ZNF750: variants seen among roughly 807,000 people sequenced by gnomAD.
ZNF750 encodes the protein zinc finger protein 750, also known as protein ZNF750.
In ZNF750, 10 loss-of-function variants were observed where a neutral mutation model predicts 31.6. That is an observed-to-expected ratio of 0.32 (90% CI 0.19 to 0.54). The LOEUF is 0.54. Ranked by LOEUF, ZNF750 falls within the 20% of genes least tolerant of loss-of-function variation. The pLI, the probability that ZNF750 is intolerant of heterozygous loss-of-function variation, is 0.95. For missense variants in ZNF750, 914 were observed against 934.9 expected (o/e 0.98, Z 0.29); for synonymous variants, 400 against 404.9 (o/e 0.99, Z 0.15).
At chr17:82,837,234 AG>A (rs2054065560) in intron 1 of ZNF750, among the ~76,000 whole-genome samples, 1 of 152,206 alleles carries the variant, frequency 6.6e-6, no homozygotes, top group Non-Finnish European at 1.5e-5. Flanking sequence ...ATAAGGATGA[AG>A]AAACCAAACC....
In ZNF750 at chr17:82,831,766, G is replaced by T. The variant is rs749794050; in HGVS notation, c.689C>A (p.Ala230Asp). 2 of 1,614,042 alleles carry T rather than the reference G, an allele frequency of 1.2e-6. No homozygotes were observed. The highest frequency in any genetic ancestry group is 1.7e-6 in the Non-Finnish European group (2 of 1,180,032). Reference sequence around the variant, plus strand: ...TGTGGGGTGCATGTAAGGGGAAATGGCCCCAAGCCCCTTTGTAGATGAGAT... The same window carrying T: ...TGTGGGGTGCATGTAAGGGGAAATGTCCCCAAGCCCCTTTGTAGATGAGAT... Reference protein sequence around the residue: ...HKISSTKGLGAISPYMHPTIP... With the variant: ...HKISSTKGLGDISPYMHPTIP... Residue 230 changes from alanine to aspartate, a missense_variant, in exon 2 of 3, where the codon GCC (alanine) becomes GAC (aspartate). Ala to Asp is a moderately radical substitution (Grantham distance 126, BLOSUM62 -2). This residue lies in a region of ZNF750 where 880 missense variants were observed against 868.9 expected (regional missense o/e 1.01). Transcript: ENST00000269394. This position sits in a 1 kb window ranked among gnomAD's most constrained non-coding sequence, Gnocchi z 4.6.
intron 1 of ZNF750, among the ~76,000 whole-genome samples, chr17:82,839,551 A>G (rs1319685564): frequency 1.3e-5 from 2 of 152,236 alleles, no homozygotes; most frequent in African/African-American, 4.8e-5. Context: ...ACCCTAATGT[A>G]CATACACCAC....
In ZNF750 at chr17:82,830,844, C is replaced by A. The variant is rs781214323; in HGVS notation, c.1470G>T (p.Pro490=). The A allele has an allele frequency of 7.4e-6, 12 of 1,612,742 alleles. No homozygotes were observed. Among genetic ancestry groups the A allele is most frequent in the South Asian group, 3.3e-5 (3 of 91,044 alleles). ...LNVVNGDPPA[P]TGSASLVSEA... ...CCGAGACGAGAGAGGCGCTTCCGGT[C>A]GGAGCAGGAGGGTCTCCGTTCACAA... The change falls in exon 3 of 3, where the codon CCG becomes CCT. Residue 490 remains proline, a synonymous_variant. Transcript: ENST00000269394.
Position 82,831,086 on chromosome 17 carries a change from G to T in ZNF750, c.1369C>A (p.Pro457Thr), listed in dbSNP as rs891225222. 3 of 1,614,082 alleles carry T rather than the reference G, an allele frequency of 1.9e-6. No homozygotes were observed. The highest frequency in any genetic ancestry group is 2.7e-5 in the African/African-American group (2 of 74,930). ...AGGCATTCTGTGCTTTTCTTAACAG[G>T]CCTGAAGGCTGTGAGGCTTTGCTCT... ...PPEQSLTAFR[P>T]VKKSTECLPA... Residue 457 changes from proline to threonine, a missense_variant, in exon 2 of 3, where the codon CCT becomes ACT. Transcript: ENST00000269394. The surrounding 1 kb of genome is among the most constrained non-coding windows in gnomAD (Gnocchi z 4.6).
At position 82,835,672 on chromosome 17, in the gene ZNF750, G is replaced by A. The variant is rs139482641; in HGVS notation, c.-182-3036C>T. 0.042 allele frequency among the ~76,000 whole-genome samples: 6,411 copies of A among 152,148 alleles called. 262 individuals carry two copies. Among genetic ancestry groups the A allele is most frequent in the African/African-American group, 0.11 (4,456 of 41,492 alleles). On this transcript the variant is annotated intron_variant, in intron 1 of 2. Transcript: ENST00000269394. The surrounding 1 kb of genome is among the most constrained non-coding windows in gnomAD (Gnocchi z 4.5). ...ACTCCTGACCTCAGGCGATCTGCCC[G>A]CCTCAGCCTCCCAAAGTGCTGGGAT...
rs142576643 is a variant in ZNF750 at position 82,831,390 on chromosome 17, C to G, written c.1065G>C (p.Leu355=). Residue 355 remains leucine, a synonymous_variant, in exon 2 of 3, where the codon CTG becomes CTC. Transcript: ENST00000269394. This position sits in a 1 kb window ranked among gnomAD's most constrained non-coding sequence, Gnocchi z 4.6. The stretch of plus-strand genomic sequence containing the variant: ...TGGAAGGACTCGAGGCTGGATAGAC[C>G]AGGGTGGCTTCTTCAAGCAGGTGAG... ...QSSHLLEEAT[L]VYPASSPSRL... 259 of 1,613,966 alleles carry G rather than the reference C, an allele frequency of 1.6e-4. No individual in the cohort carries two copies. Among genetic ancestry groups the G allele is most frequent in the Non-Finnish European group, 2.0e-4 (235 of 1,180,010 alleles).
At position 82,835,795 on chromosome 17, in the gene ZNF750, GTTCT is replaced by G. The variant is rs751073626; in HGVS notation, c.-182-3163_-182-3160del. Among the ~76,000 whole-genome samples, 23 of 152,292 alleles carry G rather than the reference GTTCT, an allele frequency of 1.5e-4. No individual in the cohort carries two copies. Among genetic ancestry groups the G allele is most frequent in the Non-Finnish European group, 2.6e-4 (18 of 68,028 alleles). ...AACTGCCTCTATTAACATACTTTAA[GTTCT>G]TTAAGACATTTATTTACTAAGAAGT... On this transcript the variant is annotated intron_variant, in intron 1 of 2. Coordinates refer to ENST00000269394, the MANE Select transcript of ZNF750 (RefSeq NM_024702.3). The surrounding 1 kb of genome is among the most constrained non-coding windows in gnomAD (Gnocchi z 4.5).
At chr17:82,834,399 T>C (rs1030770177) in intron 1 of ZNF750, among the ~76,000 whole-genome samples, 2 of 152,068 alleles carry the variant, frequency 1.3e-5, no homozygotes, top group Non-Finnish European at 2.9e-5. Context: ...GTATTAAAAA[T>C]GTAAAAAAGA....
chr17:82,839,432 C>T (rs573026728), intron 1 of ZNF750, among the ~76,000 whole-genome samples: 15 of 151,836 alleles, frequency 9.9e-5, no homozygotes, highest in Non-Finnish European at 8.8e-5. Flanking sequence ...AATGTACATA[C>T]ACCACACATA....
rs532896142 is a variant in ZNF750 at position 82,833,015 on chromosome 17, C to T, written c.-182-379G>A. Among the ~76,000 whole-genome samples the T allele has an allele frequency of 1.0e-3, 155 of 152,226 alleles. 1 individual carries two copies. Among genetic ancestry groups the T allele is most frequent in the Non-Finnish European group, 2.5e-4 (17 of 68,012 alleles). On this transcript the variant is annotated intron_variant, in intron 1 of 2. Coordinates refer to ENST00000269394, the MANE Select transcript of ZNF750 (RefSeq NM_024702.3). The surrounding 1 kb of genome is among the most constrained non-coding windows in gnomAD (Gnocchi z 4.7). ...GCGCCCTGCCGGGGGCTGAGGACAC[C>T]GAGCCCCCTCCCAGGGTCTGGACAG...
At position 82,830,019 on chromosome 17, in the gene ZNF750, T is replaced by G. The variant is rs1003362496; in HGVS notation, c.*123A>C. 13 of 1,443,376 alleles carry G rather than the reference T, an allele frequency of 9.0e-6. No individual in the cohort carries two copies. The highest frequency in any genetic ancestry group is 8.4e-5 in the African/African-American group (6 of 71,168). 89.4% of individuals were successfully genotyped at this position (1,443,376 alleles called of 1,614,324 possible). A position where few individuals can be genotyped will look rare whatever the true frequency, so the allele number is the denominator to read the frequency against. On this transcript the variant is annotated 3_prime_UTR_variant, in exon 3 of 3. Coordinates refer to ENST00000269394, the MANE Select transcript of ZNF750 (RefSeq NM_024702.3). ...TTTTTGTTTGTTTGTTTGTTTGTTT[T>G]TTTGAGAAGCAGCAGCTGCATTTGT... is the stretch of plus-strand genomic sequence containing the variant.
At chr17:82,838,328 G>T (rs1190212544) in intron 1 of ZNF750, among the ~76,000 whole-genome samples, 1 of 127,110 alleles carries the variant, frequency 7.9e-6, no homozygotes, top group Non-Finnish European at 1.7e-5. Flanking sequence ...ACAAGAGAAA[G>T]AGTTCTTAAA....
intron 1 of ZNF750, among the ~76,000 whole-genome samples, chr17:82,837,193 G>A (rs2054062004): frequency 6.6e-6 from 1 of 152,236 alleles, no homozygotes; most frequent in South Asian, 2.1e-4. Context: ...ATGTCAGCCT[G>A]TGAGTTCTGT....
chr17:82,832,673 G>A lies in ZNF750; in HGVS notation c.-182-37C>T. The A allele has an allele frequency of 3.4e-6, 2 of 591,290 alleles. No individual in the cohort carries two copies. Among genetic ancestry groups the A allele is most frequent in the South Asian group, 4.0e-5 (2 of 50,094 alleles). The allele number at this position is 591,290 out of a possible 1,614,324, so 36.6% of individuals were successfully genotyped here. A position where few individuals can be genotyped will look rare whatever the true frequency, so the allele number is the denominator to read the frequency against. Reference sequence around the variant, plus strand: ...AGCAGTCTTGGTGTCAGGACAGCGAGTGAGGGGTCGGCGAGAAGCCGGCCT... The same window carrying A: ...AGCAGTCTTGGTGTCAGGACAGCGAATGAGGGGTCGGCGAGAAGCCGGCCT... On this transcript the variant is annotated intron_variant, in intron 1 of 2. Transcript: ENST00000269394. This position sits in a 1 kb window ranked among gnomAD's most constrained non-coding sequence, Gnocchi z 4.9.
At position 82,833,411 on chromosome 17, in the gene ZNF750, G is replaced by T. The variant is rs368058324; in HGVS notation, c.-182-775C>A. ...GCTTGTTTAAAAATGAAGAACATTC[G>T]AACACAAGACTCTACCCTACTGCTT... On this transcript the variant is annotated intron_variant, in intron 1 of 2. Coordinates refer to ENST00000269394, the MANE Select transcript of ZNF750 (RefSeq NM_024702.3). This position sits in a 1 kb window ranked among gnomAD's most constrained non-coding sequence, Gnocchi z 4.7. 6.6e-6 allele frequency among the ~76,000 whole-genome samples: 1 copy of T among 152,100 alleles called. No individual in the cohort carries two copies. The highest frequency in any genetic ancestry group is 2.1e-4 in the South Asian group (1 of 4,828).
rs781599765 is a variant in ZNF750 at position 82,830,774 on chromosome 17, G to C, written c.1540C>G (p.Leu514Val). The change falls in exon 3 of 3, where the codon CTC (leucine) becomes GTC (valine). Residue 514 changes from leucine (L) to valine (V), a missense_variant. Coordinates refer to ENST00000269394, the MANE Select transcript of ZNF750 (RefSeq NM_024702.3). ...ATCTCTGATTTCTTGGAGAGGTTGAGGGGGCCCATCCCGGAGCTGTCGTCC... is the reference window on the plus strand; with the variant it reads ...ATCTCTGATTTCTTGGAGAGGTTGACGGGGCCCATCCCGGAGCTGTCGTCC... ...SPDDSSGMGP[L>V]NLSKKSEINL... The C allele has an allele frequency of 1.9e-6, 3 of 1,613,690 alleles. No homozygotes were observed. The African/African-American group carries it at 4.0e-5, about 22-fold the overall frequency.
chr17:82,830,394 C>T lies in ZNF750; in HGVS notation c.1920G>A (p.Gln640=), dbSNP rs1442743330. The T allele has an allele frequency of 5.0e-6, 8 of 1,612,212 alleles. No individual in the cohort carries two copies. The Admixed American group carries it at 5.0e-5, about 10-fold the overall frequency. Residue 640 remains glutamine (Q), a synonymous_variant, in exon 3 of 3, where the codon CAG becomes CAA. Transcript: ENST00000269394. The stretch of plus-strand genomic sequence containing the variant: ...TGTTCCTGGGGCTGTAGGCCGCCAG[C>T]TGGCACAGGGCCACGGCTGCCGTCT... ...QKQTAAVALC[Q]LAAYSPRNIR...
rs1262762690 is a variant in ZNF750, at chr17:82,832,005, C to G, written c.450G>C (p.Gln150His). ...SPAPEAALGA[Q>H]PALEGAARPS... ...GCCGAGCTGCGCCTTCCAGAGCAGG[C>G]TGGGCACCGAGGGCGGCTTCCGGAG... is the stretch of plus-strand genomic sequence containing the variant. The change falls in exon 2 of 3, where the codon CAG becomes CAC. Residue 150 changes from glutamine (Q) to histidine (H), a missense_variant. Around this residue, in one of 2 missense-constraint regions of ZNF750, gnomAD observed 880 missense variants for 868.9 expected, o/e 1.01. Coordinates refer to ENST00000269394, the MANE Select transcript of ZNF750 (RefSeq NM_024702.3). This position sits in a 1 kb window ranked among gnomAD's most constrained non-coding sequence, Gnocchi z 4.9. 1 of 1,612,726 alleles carries G rather than the reference C, an allele frequency of 6.2e-7. No homozygotes were observed. The highest frequency in any genetic ancestry group is 8.5e-7 in the Non-Finnish European group (1 of 1,178,900).
At position 82,832,458 on chromosome 17, in the gene ZNF750, C is replaced by T. The variant is rs763775008; in HGVS notation, c.-4G>A. 13 of 1,607,656 alleles carry T rather than the reference C, an allele frequency of 8.1e-6. No homozygotes were observed. Among genetic ancestry groups the T allele is most frequent in the Non-Finnish European group, 1.1e-5 (13 of 1,179,732 alleles). On this transcript the variant is annotated 5_prime_UTR_variant, in exon 2 of 3. Transcript: ENST00000269394. This position sits in a 1 kb window ranked among gnomAD's most constrained non-coding sequence, Gnocchi z 4.9. ...TCCGCTCTTTGAGGAGACTCATTTT[C>T]CTCCTTATGCCTTGGACTCTGGCTG...
Sources: allele counts gnomAD v4.1 joint callset (sites outside exome capture counted in the v4.1 genomes callset), GRCh38; gene constraint gnomAD v4.1.1; regional missense constraint gnomAD v4.1.1; non-coding constraint Gnocchi (gnomAD v3.1); transcripts MANE v1.5; gene names NCBI Gene and HGNC (gene_info 2026-07-23, HGNC 2026-07-21).